BMPR1B: variants seen among roughly 807,000 people sequenced by gnomAD.
BMPR1B encodes the protein bone morphogenetic protein receptor type 1B, also known as bone morphogenetic protein receptor type-1B.
Under a neutral mutation model 59.1 loss-of-function variants are expected in BMPR1B, and 12 were observed. That is an observed-to-expected ratio of 0.20 (90% CI 0.13 to 0.33). BMPR1B has a LOEUF of 0.33. BMPR1B is among the 10% of genes least tolerant of loss of function. The pLI is 1.00. For synonymous variants in BMPR1B, 237 were observed against 207.3 expected (o/e 1.14, Z -1.23); for missense variants, 550 against 610.9 (o/e 0.90, Z 1.05).
intron 4 of BMPR1B, among the ~76,000 whole-genome samples, chr4:95,107,286 A>C (rs184286354): frequency 6.6e-6 from 1 of 152,162 alleles, no homozygotes; most frequent in African/African-American, 2.4e-5. Context: ...TGGATCTATT[A>C]GAGAGTAGAA....
chr4:94,768,674 G>GT (rs1480369589), intron 1 of BMPR1B, among the ~76,000 whole-genome samples: 6 of 152,096 alleles, frequency 3.9e-5, no homozygotes, highest in African/African-American at 1.4e-4. Flanking sequence ...CTAAGTTAGA[G>GT]TAAGTGGAAT....
At chr4:94,801,376 A>G (rs1276848210) in intron 1 of BMPR1B, among the ~76,000 whole-genome samples, 1 of 152,206 alleles carries the variant, frequency 6.6e-6, no homozygotes, top group Admixed American at 6.5e-5. Context: ...CTTAGTATAC[A>G]TTCAACCCCT....
chr4:95,050,212 A>G (rs1246790497), intron 3 of BMPR1B, among the ~76,000 whole-genome samples: 1 of 152,116 alleles, frequency 6.6e-6, no homozygotes, highest in Non-Finnish European at 1.5e-5. Context: ...ACTATATACC[A>G]ATCTCTTTTC....
chr4:95,047,214 A>G (rs533906858), intron 3 of BMPR1B, among the ~76,000 whole-genome samples: 5 of 152,210 alleles, frequency 3.3e-5, no homozygotes, highest in Admixed American at 6.5e-5. Context: ...ATTACCAGCA[A>G]CCAAGCTCCA....
At chr4:94,789,570 GT>G (rs201521751) in intron 1 of BMPR1B, among the ~76,000 whole-genome samples, 4,675 of 152,152 alleles carry the variant, frequency 0.031, 109 homozygotes, top group South Asian at 0.069. Context: ...TTTACTTTTT[GT>G]CTAACATCAT....
chr4:94,957,961 T>C (rs1730218256), intron 2 of BMPR1B, among the ~76,000 whole-genome samples: 1 of 152,172 alleles, frequency 6.6e-6, no homozygotes, highest in Non-Finnish European at 1.5e-5. Flanking sequence ...TTATTAACTT[T>C]GGAAACTGAC....
chr4:94,814,110 A>G (rs997352478), intron 1 of BMPR1B, among the ~76,000 whole-genome samples: 1 of 152,210 alleles, frequency 6.6e-6, no homozygotes, highest in African/African-American at 2.4e-5. Context: ...CGGGTTGCAA[A>G]TGACTCAAAT....
At chr4:94,865,565 T>A (rs987081598) in intron 1 of BMPR1B, among the ~76,000 whole-genome samples, 3 of 151,744 alleles carry the variant, frequency 2.0e-5, no homozygotes, top group African/African-American at 4.8e-5. Flanking sequence ...TAATTTTTTT[T>A]AATTTTTAGT....
intron 2 of BMPR1B, among the ~76,000 whole-genome samples, chr4:94,966,376 A>G (rs1431388664): frequency 2.6e-5 from 4 of 152,198 alleles, no homozygotes; most frequent in African/African-American, 7.2e-5. Flanking sequence ...AATAAAAAAT[A>G]TAATGTTAGG....
At chr4:95,121,096 C>T (rs920119452) in intron 6 of BMPR1B, among the ~76,000 whole-genome samples, 5 of 152,218 alleles carry the variant, frequency 3.3e-5, no homozygotes, top group African/African-American at 1.2e-4. Flanking sequence ...GCGTGAGCCA[C>T]TGTGCCCAGC....
intron 3 of BMPR1B, among the ~76,000 whole-genome samples, chr4:95,015,441 C>T (rs1723519020): frequency 1.3e-5 from 2 of 152,158 alleles, no homozygotes; most frequent in African/African-American, 4.8e-5. Flanking sequence ...GTCTGGACTG[C>T]AGTGGTGCTG....
At chr4:94,888,597 T>C (rs1397401228) in intron 2 of BMPR1B, among the ~76,000 whole-genome samples, 5 of 152,122 alleles carry the variant, frequency 3.3e-5, no homozygotes, top group African/African-American at 1.2e-4. Flanking sequence ...TTGATCATTT[T>C]ACAGATAAGG....
At chr4:94,817,931 G>A (rs1724068806) in intron 1 of BMPR1B, among the ~76,000 whole-genome samples, 1 of 152,164 alleles carries the variant, frequency 6.6e-6, no homozygotes, top group Non-Finnish European at 1.5e-5. Context: ...ACTCTAAGGA[G>A]GTGGTTCTTA....
intron 1 of BMPR1B, among the ~76,000 whole-genome samples, chr4:94,802,188 A>G (rs929242026): frequency 2.0e-5 from 3 of 152,080 alleles, no homozygotes; most frequent in Admixed American, 6.5e-5. Flanking sequence ...TGGGTGTTTG[A>G]CTGCTTGCTT....
At chr4:95,150,687 C>T (rs1468849622) in intron 11 of BMPR1B, among the ~76,000 whole-genome samples, 1 of 152,080 alleles carries the variant, frequency 6.6e-6, no homozygotes, top group East Asian at 1.9e-4. Flanking sequence ...ATATAAACAG[C>T]AGGGTATTAA....
At position 95,115,689 on chromosome 4, in the gene BMPR1B, C is replaced by T. The variant is rs200083866; in HGVS notation, c.251C>T (p.Thr84Ile). 1.9e-4 allele frequency: 307 copies of T among 1,613,000 alleles called. No individual in the cohort carries two copies. Among genetic ancestry groups the T allele is most frequent in the Non-Finnish European group, 2.3e-4 (267 of 1,179,216 alleles). Residue 84 changes from threonine (T) to isoleucine (I), a missense_variant, in exon 6 of 13, where the codon ACT becomes ATT. Thr to Ile is a moderately conservative substitution (Grantham distance 89, BLOSUM62 -1). This residue lies in a region of BMPR1B where 24 missense variants were observed against 20.3 expected (regional missense o/e 1.18). Transcript: ENST00000515059. ...LEGSDFQCRD[T>I]PIPHQRRSIE... Reference sequence around the variant, plus strand: ...GCTGTTTGGGTTCGATTATAGGACACTCCCATTCCTCATCAAAGAAGATCA... The same window carrying T: ...GCTGTTTGGGTTCGATTATAGGACATTCCCATTCCTCATCAAAGAAGATCA...
At chr4:95,097,895 A>G (rs1322836445) in intron 3 of BMPR1B, among the ~76,000 whole-genome samples, 1 of 152,204 alleles carries the variant, frequency 6.6e-6, no homozygotes, top group African/African-American at 2.4e-5. Flanking sequence ...AGTAAACAGA[A>G]TGTACTAAAT....
At chr4:94,907,616 C>T (rs535083780) in intron 2 of BMPR1B, among the ~76,000 whole-genome samples, 162 of 152,058 alleles carry the variant, frequency 1.1e-3, no homozygotes, top group African/African-American at 3.5e-3. Context: ...ACCAGAACCT[C>T]TAGGTAGAGT....
intron 1 of BMPR1B, among the ~76,000 whole-genome samples, chr4:94,782,497 G>A (rs2110588870): frequency 6.6e-6 from 1 of 151,992 alleles, no homozygotes; most frequent in Non-Finnish European, 1.5e-5. Context: ...GTAGAGCTGA[G>A]GTTTTGCCAT....
Sources: allele counts gnomAD v4.1 joint callset (sites outside exome capture counted in the v4.1 genomes callset), GRCh38; gene constraint gnomAD v4.1.1; regional missense constraint gnomAD v4.1.1; transcripts MANE v1.5; gene names NCBI Gene and HGNC (gene_info 2026-07-23, HGNC 2026-07-21).